Variants in RNASET2 observed in about 807,000 individuals in gnomAD.
RNASET2 encodes ribonuclease 6.
Under a neutral mutation model 33.9 loss-of-function variants are expected in RNASET2, and 28 were observed. That is an observed-to-expected ratio of 0.83 (90% CI 0.61 to 1.13). RNASET2 has a LOEUF of 1.13. Ranked by LOEUF, RNASET2 falls within the 50% of genes most tolerant of loss-of-function variation. The pLI is 0.00. For synonymous variants in RNASET2, 123 were observed against 121.0 expected (o/e 1.02, Z -0.11); for missense variants, 330 against 319.9 (o/e 1.03, Z -0.24).
At chr6:166,949,962 C>T (rs1188649729) in intron 2 of RNASET2, among the ~76,000 whole-genome samples, 3 of 152,260 alleles carry the variant, frequency 2.0e-5, no homozygotes, top group Admixed American at 1.3e-4. Context: ...GAACCCTTCA[C>T]CATGGCTGCC....
At chr6:166,949,086 C>G (rs1033463265) in intron 2 of RNASET2, among the ~76,000 whole-genome samples, 1 of 150,390 alleles carries the variant, frequency 6.6e-6, no homozygotes, top group Non-Finnish European at 1.5e-5. Flanking sequence ...TGGTGGCAGG[C>G]GCTAATAGTC....
chr6:166,947,043 TG>T (rs909062873), intron 3 of RNASET2, among the ~76,000 whole-genome samples: 28 of 152,080 alleles, frequency 1.8e-4, no homozygotes, highest in Non-Finnish European at 2.8e-4. Context: ...GCGGGGACTC[TG>T]GGGTCAGCCC....
intron 2 of RNASET2, among the ~76,000 whole-genome samples, chr6:166,949,362 G>A (rs1312494279): frequency 6.6e-6 from 1 of 151,484 alleles, no homozygotes; most frequent in Admixed American, 6.6e-5. Flanking sequence ...TTAGCCAGGT[G>A]TGGTGGTGGG....
rs200524250 is a variant in RNASET2, at chr6:166,955,357, A to G, written c.86+740T>C. On this transcript the variant is annotated intron_variant, in intron 1 of 8. Coordinates refer to ENST00000508775, the MANE Select transcript of RNASET2 (RefSeq NM_003730.6). ...CACGCACACGCACACGCACGCACAC[A>G]CACACGCACACACAAACGCACACGC... The G allele has an allele frequency of 1.2e-3, 257 of 206,202 alleles. 19 individuals are homozygous for G. Among genetic ancestry groups the G allele is most frequent in the East Asian group, 4.0e-3 (9 of 2,258 alleles). 12.8% of individuals were successfully genotyped at this position (206,202 alleles called of 1,614,324 possible). A position where few individuals can be genotyped will look rare whatever the true frequency, so the allele number is the denominator to read the frequency against.
Position 166,934,640 on chromosome 6 carries a change from C to T in RNASET2, c.447-504G>A, listed in dbSNP as rs1268897308. 10 of 190,360 alleles carry T rather than the reference C, an allele frequency of 5.3e-5. No individual in the cohort carries two copies. In the East Asian group the frequency reaches 1.4e-3, roughly 26 times the overall value. The allele number at this position is 190,360 out of a possible 1,614,324, so 11.8% of individuals were successfully genotyped here. On this transcript the variant is annotated intron_variant, in intron 6 of 8. Coordinates refer to ENST00000508775, the MANE Select transcript of RNASET2 (RefSeq NM_003730.6). ...TTCTATGTTGAGATATGTTTAGATA[C>T]ACAAATCCTTACCATTGTGTTACAT...
rs1203369113 is a variant in RNASET2, at chr6:166,928,431, C to A, written c.*1157G>T. ...GCGAGTAAAGCCGAATATTCACAGGCATTGATACAGCTGTTTTTTTTTTTT... is the reference window on the plus strand; with the variant it reads ...GCGAGTAAAGCCGAATATTCACAGGAATTGATACAGCTGTTTTTTTTTTTT... On this transcript the variant is annotated 3_prime_UTR_variant, in exon 9 of 9. Transcript: ENST00000508775. Among the ~76,000 whole-genome samples, 1 of 140,858 alleles carries A rather than the reference C, an allele frequency of 7.1e-6. No homozygotes were observed. Among genetic ancestry groups the A allele is most frequent in the Admixed American group, 7.8e-5 (1 of 12,774 alleles). 92.4% of individuals were successfully genotyped at this position (140,858 alleles called of 152,430 possible). A position where few individuals can be genotyped will look rare whatever the true frequency, so the allele number is the denominator to read the frequency against.
At chr6:166,931,261 T>A (rs971027188) in intron 7 of RNASET2, 143 bp from the exon 8 acceptor site, 6 of 705,050 alleles carry the variant, frequency 8.5e-6, no homozygotes, top group Admixed American at 6.1e-5. Flanking sequence ...GTGAGAATGA[T>A]GCCCCCACCT....
rs966733529 is a variant in RNASET2 at position 166,922,920 on chromosome 6, A to G, written c.*6668T>C. ...TTGCTGGTAAAAATGGGCCACTGTC[A>G]CTCTGCAGACTTTTCTCAGTGTTAA... On this transcript the variant is annotated 3_prime_UTR_variant, in exon 9 of 9. Coordinates refer to ENST00000508775, the MANE Select transcript of RNASET2 (RefSeq NM_003730.6). Among the ~76,000 whole-genome samples the G allele has an allele frequency of 2.6e-5, 4 of 152,158 alleles. No homozygotes were observed. The highest frequency in any genetic ancestry group is 5.9e-5 in the Non-Finnish European group (4 of 68,024).
chr6:166,931,196 A>C (rs1562493427), intron 7 of RNASET2, 78 bp from the exon 8 acceptor site: 2 of 1,045,146 alleles, frequency 1.9e-6, no homozygotes, highest in African/African-American at 3.2e-5. Context: ...CCTGAGCGCA[A>C]CAGTGGCAGG....
At chr6:166,939,480 T>TC (rs1778647437) in intron 5 of RNASET2, among the ~76,000 whole-genome samples, 1 of 152,188 alleles carries the variant, frequency 6.6e-6, no homozygotes, top group Non-Finnish European at 1.5e-5. Flanking sequence ...ATTATTTCAA[T>TC]CCCCCACGAT....
chr6:166,935,687 T>G (rs1430373395), intron 6 of RNASET2, among the ~76,000 whole-genome samples: 1 of 152,244 alleles, frequency 6.6e-6, no homozygotes, highest in Non-Finnish European at 1.5e-5. Context: ...TATTCTATTT[T>G]ATTTTTTTGA....
Position 166,956,529 on chromosome 6 carries a change from A to C in RNASET2, c.-347T>G. Reference sequence around the variant, plus strand: ...ACGCTGCAGCCGCCGTCCGCCCACGACCACGGTCAGTCGCGTTGCTCCCAG... The same window carrying C: ...ACGCTGCAGCCGCCGTCCGCCCACGCCCACGGTCAGTCGCGTTGCTCCCAG... On this transcript the variant is annotated 5_prime_UTR_variant, in exon 1 of 9. Coordinates refer to ENST00000508775, the MANE Select transcript of RNASET2 (RefSeq NM_003730.6). 1 of 349,218 alleles carries C rather than the reference A, an allele frequency of 2.9e-6. No homozygotes were observed. The highest frequency in any genetic ancestry group is 2.8e-5 in the South Asian group (1 of 36,188). The allele number at this position is 349,218 out of a possible 1,614,324, so 21.6% of individuals were successfully genotyped here.
intron 2 of RNASET2, among the ~76,000 whole-genome samples, chr6:166,950,812 G>A (rs1285350951): frequency 3.3e-5 from 5 of 152,254 alleles, no homozygotes; most frequent in African/African-American, 1.2e-4. Flanking sequence ...AAAGGAGGCA[G>A]GGAAGCTCTT....
In RNASET2 at chr6:166,933,911, C is replaced by T. The variant is rs1310349017; in HGVS notation, c.492+180G>A. 1 of 652,220 alleles carries T rather than the reference C, an allele frequency of 1.5e-6. No homozygotes were observed. The highest frequency in any genetic ancestry group is 1.8e-5 in the African/African-American group (1 of 55,470). The allele number at this position is 652,220 out of a possible 1,614,324, so 40.4% of individuals were successfully genotyped here. ...AATCACTGGTCTAAGCAGCCTTCAG[C>T]TCCTACTCAACATGCGCAGGAAAAT... On this transcript the variant is annotated intron_variant, in intron 7 of 8. Transcript: ENST00000508775. This position sits in a 1 kb window ranked among gnomAD's most constrained non-coding sequence, Gnocchi z 4.1.
chr6:166,946,786 T>C, intron 3 of RNASET2, 47 bp from the exon 4 acceptor site: 1 of 1,168,122 alleles, frequency 8.6e-7, no homozygotes, highest in Non-Finnish European at 1.3e-6. Context: ...TTAGGCTTGG[T>C]TGGGGTGGCT....
chr6:166,947,584 G>C (rs1778878567), intron 3 of RNASET2, among the ~76,000 whole-genome samples: 1 of 152,186 alleles, frequency 6.6e-6, no homozygotes, highest in African/African-American at 2.4e-5. Flanking sequence ...GCAGGGGAGA[G>C]GACACCACGC....
Position 166,933,280 on chromosome 6 carries a change from G to A in RNASET2, c.492+811C>T, listed in dbSNP as rs1337162095. The A allele has an allele frequency of 6.6e-6, 1 of 152,138 alleles. No individual in the cohort carries two copies. Among genetic ancestry groups the A allele is most frequent in the Non-Finnish European group, 1.5e-5 (1 of 68,022 alleles). 9.4% of individuals were successfully genotyped at this position (152,138 alleles called of 1,614,324 possible). The stretch of plus-strand genomic sequence containing the variant: ...CGGTCCCTACTGCAGCTACACCATG[G>A]GAGCACAAGCATCCCCAGGTAACAA... On this transcript the variant is annotated intron_variant, in intron 7 of 8. Coordinates refer to ENST00000508775, the MANE Select transcript of RNASET2 (RefSeq NM_003730.6). The surrounding 1 kb of genome is among the most constrained non-coding windows in gnomAD (Gnocchi z 4.1).
chr6:166,942,574 C>T (rs187729662), intron 5 of RNASET2, among the ~76,000 whole-genome samples: 4 of 152,158 alleles, frequency 2.6e-5, no homozygotes, highest in Admixed American at 6.5e-5. Context: ...CTTGATCTCC[C>T]GGGACCACAG....
intron 5 of RNASET2, among the ~76,000 whole-genome samples, chr6:166,942,446 A>G (rs1279149081): frequency 6.6e-6 from 1 of 152,202 alleles, no homozygotes; most frequent in African/African-American, 2.4e-5. Flanking sequence ...ATATGCAAGC[A>G]TTGGACTTTG....
Sources: gnomAD v4.1 joint callset for allele counts (sites outside exome capture counted in the v4.1 genomes callset) on GRCh38, gnomAD v4.1.1 for gene constraint, Gnocchi (gnomAD v3.1) non-coding constraint, MANE v1.5 for transcripts, NCBI Gene and HGNC (gene_info 2026-07-23, HGNC 2026-07-21) for gene names.